SLC38A4: variants seen among roughly 807,000 people sequenced by gnomAD.
SLC38A4 encodes sodium-coupled neutral amino acid transporter 4.
SLC38A4 carries 20 observed loss-of-function variants against 63.1 expected under a neutral mutation model. The observed-to-expected ratio is 0.32, with a 90% confidence interval of 0.22 to 0.46. SLC38A4 has a LOEUF of 0.46. Among genes scored for constraint, SLC38A4 ranks in the 20% least tolerant of loss-of-function variants. SLC38A4 has a pLI of 1.00. For missense variants in SLC38A4, 526 were observed against 663.6 expected (o/e 0.79, Z 2.28); for synonymous variants, 230 against 225.5 (o/e 1.02, Z -0.18).
rs1346618971 is a variant in SLC38A4, at chr12:46,769,409, G to A, written c.1319C>T (p.Thr440Ile). The change falls in exon 15 of 17, where the codon ACA becomes ATA. Residue 440 changes from threonine (T) to isoleucine (I), a missense_variant. Physicochemically the swap from Thr to Ile is moderately conservative, Grantham distance 89. Coordinates refer to ENST00000266579, the MANE Select transcript of SLC38A4 (RefSeq NM_018018.5). The stretch of plus-strand genomic sequence containing the variant: ...GAAGGGTCGTTTGGGAAATAACAGT[G>A]TGATCACTGATGTACGAATCTTAAA... ...VLFPIRTSVI[T>I]LLFPKRPFSW... 6.2e-7 allele frequency: 1 copy of A among 1,613,308 alleles called. No homozygotes were observed. The highest frequency in any genetic ancestry group is 1.7e-5 in the Admixed American group (1 of 59,960).
intron 7 of SLC38A4, among the ~76,000 whole-genome samples, chr12:46,783,269 ATAGATAAAGAT>A (rs1938687782): frequency 2.0e-5 from 3 of 147,078 alleles, no homozygotes; most frequent in East Asian, 4.0e-4. Flanking sequence ...AGATAGATAG[ATAGATAAAGAT>A]AGATAGATAT....
chr12:46,803,215 T>C (rs1483933812), intron 2 of SLC38A4, among the ~76,000 whole-genome samples: 6 of 152,096 alleles, frequency 3.9e-5, no homozygotes, highest in Admixed American at 2.6e-4. Context: ...TAGTGTAATA[T>C]TGAGAATGTA....
chr12:46,766,723 G>A lies in SLC38A4; in HGVS notation c.1622C>T (p.Pro541Leu), dbSNP rs1439568430. ...ALIIIDWIYD[P>L]PNSKHH The stretch of plus-strand genomic sequence containing the variant: ...GTGTTAGTGATGCTTGGAATTTGGA[G>A]GATCATAAATCCAGTCAATTATAAT... Residue 541 changes from proline to leucine, a missense_variant, in exon 17 of 17, where the codon CCT becomes CTT. Physicochemically the swap from Pro to Leu is moderately conservative, Grantham distance 98. Transcript: ENST00000266579. 2 of 1,610,116 alleles carry A rather than the reference G, an allele frequency of 1.2e-6. No homozygotes were observed. Among genetic ancestry groups the A allele is most frequent in the Non-Finnish European group, 1.7e-6 (2 of 1,177,174 alleles).
upstream of SLC38A4, among the ~76,000 whole-genome samples, chr12:46,828,496 A>T (rs919804566): frequency 2.0e-5 from 3 of 151,692 alleles, no homozygotes; most frequent in Non-Finnish European, 2.9e-5. Flanking sequence ...TAATTTTTGT[A>T]ATTTTTAGTA....
At chr12:46,769,171 T>G in intron 15 of SLC38A4, 113 bp downstream of exon 15, 1 of 1,178,336 alleles carries the variant, frequency 8.5e-7, no homozygotes. Flanking sequence ...ATAAAGGGAA[T>G]CCATGAGCCT....
At chr12:46,784,325 A>G (rs1007047666) in intron 7 of SLC38A4, among the ~76,000 whole-genome samples, 1 of 152,136 alleles carries the variant, frequency 6.6e-6, no homozygotes, top group Non-Finnish European at 1.5e-5. Flanking sequence ...CTAGAATTCA[A>G]TTGGCAGGGT....
chr12:46,794,761 G>A (rs1247932823), intron 2 of SLC38A4, among the ~76,000 whole-genome samples: 1 of 151,894 alleles, frequency 6.6e-6, no homozygotes, highest in Non-Finnish European at 1.5e-5. Context: ...ATAGAGAATT[G>A]TGAGACTAGG....
In SLC38A4 at chr12:46,779,603, T is replaced by A; in HGVS notation, c.717+8A>T. On this transcript the variant is annotated splice_region_variant and intron_variant, in intron 10 of 16. Transcript: ENST00000266579. ...AACCTGCAAGGATCATGTCATCACA[T>A]CACTTACCACACTAACAAAAAACAC... is the stretch of plus-strand genomic sequence containing the variant. 1 of 1,598,452 alleles carries A rather than the reference T, an allele frequency of 6.3e-7. No individual in the cohort carries two copies. The highest frequency in any genetic ancestry group is 8.5e-7 in the Non-Finnish European group (1 of 1,175,172).
chr12:46,768,421 C>T lies in SLC38A4; in HGVS notation c.1445-14G>A, dbSNP rs757996525. 3 of 1,600,800 alleles carry T rather than the reference C, an allele frequency of 1.9e-6. No individual in the cohort carries two copies. The highest frequency in any genetic ancestry group is 3.4e-5 in the Admixed American group (2 of 59,312). On this transcript the variant is annotated splice_polypyrimidine_tract_variant and intron_variant, in intron 15 of 16. Coordinates refer to ENST00000266579, the MANE Select transcript of SLC38A4 (RefSeq NM_018018.5). ...CAGAAGAAGCCCCTGAGAAGACAAA[C>T]ACAGGGCAAGGTCAATGTCTTACCC...
chr12:46,795,815 G>A (rs535106431), intron 2 of SLC38A4, among the ~76,000 whole-genome samples: 2 of 150,888 alleles, frequency 1.3e-5, no homozygotes, highest in Non-Finnish European at 2.9e-5. Context: ...ATAATTTATC[G>A]ATGGTTTTCT....
rs573507981 is a variant in SLC38A4, at chr12:46,825,141, T to A, written c.-305+762A>T. Among the ~76,000 whole-genome samples, 24 of 151,006 alleles carry A rather than the reference T, an allele frequency of 1.6e-4. No individual in the cohort carries two copies. The South Asian group carries it at 4.4e-3, about 28-fold the overall frequency. On this transcript the variant is annotated intron_variant, in intron 1 of 16. Coordinates refer to ENST00000266579, the MANE Select transcript of SLC38A4 (RefSeq NM_018018.5). ...GGTTTAGGTGGCCTCTCTGTGCAAC[T>A]GGATGCGAACCTATAATTACTTTAA...
At chr12:46,790,576 G>T (rs1280287515) in intron 3 of SLC38A4, among the ~76,000 whole-genome samples, 1 of 152,090 alleles carries the variant, frequency 6.6e-6, no homozygotes, top group African/African-American at 2.4e-5. Flanking sequence ...GTGCCACCTA[G>T]AATTTAAACT....
At chr12:46,826,787 C>T (rs565175301), upstream of SLC38A4, among the ~76,000 whole-genome samples, 17 of 152,288 alleles carry the variant, frequency 1.1e-4, no homozygotes, top group African/African-American at 3.4e-4. Context: ...AGCTTATACT[C>T]TTAATCATGT....
intron 3 of SLC38A4, among the ~76,000 whole-genome samples, chr12:46,789,893 A>G (rs1054862813): frequency 6.6e-6 from 1 of 152,146 alleles, no homozygotes; most frequent in African/African-American, 2.4e-5. Context: ...CCTGGCCAAC[A>G]TGGTGAAACT....
intron 13 of SLC38A4, 53 bp downstream of exon 13, chr12:46,776,851 G>A: frequency 6.6e-7 from 1 of 1,520,002 alleles, no homozygotes; most frequent in South Asian, 1.1e-5. Flanking sequence ...CCCAGGTCAA[G>A]GACCAGCCTA....
chr12:46,802,384 C>G (rs1484167339), intron 2 of SLC38A4, among the ~76,000 whole-genome samples: 3 of 151,906 alleles, frequency 2.0e-5, no homozygotes, highest in African/African-American at 7.3e-5. Context: ...CTGGACCATT[C>G]CCAGAGGTAC....
At chr12:46,811,686 G>C (rs932935697) in intron 1 of SLC38A4, among the ~76,000 whole-genome samples, 1 of 151,982 alleles carries the variant, frequency 6.6e-6, no homozygotes, top group Non-Finnish European at 1.5e-5. Flanking sequence ...GATAATAAAG[G>C]TTACTGCAAA....
intron 7 of SLC38A4, among the ~76,000 whole-genome samples, chr12:46,784,244 AT>A (rs1188291867): frequency 6.6e-6 from 1 of 152,114 alleles, no homozygotes; most frequent in African/African-American, 2.4e-5. Context: ...AAATTCTTCA[AT>A]TTTTAAGAGT....
chr12:46,786,023 T>C (rs1210783260), intron 5 of SLC38A4, among the ~76,000 whole-genome samples: 2 of 152,188 alleles, frequency 1.3e-5, no homozygotes, highest in Admixed American at 6.6e-5. Context: ...ATGAAATCAA[T>C]ACTACAAATG....
Sources: allele counts gnomAD v4.1 joint callset (sites outside exome capture counted in the v4.1 genomes callset), GRCh38; gene constraint gnomAD v4.1.1; transcripts MANE v1.5; gene names NCBI Gene and HGNC (gene_info 2026-07-23, HGNC 2026-07-21).